The following TBCEL variants were observed in gnomAD, a reference collection of about 807,000 sequenced individuals.
The protein encoded by TBCEL is tubulin folding cofactor E like.
In TBCEL, 15 loss-of-function variants were observed where a neutral mutation model predicts 44.2. That is an observed-to-expected ratio of 0.34 (90% CI 0.23 to 0.52). The LOEUF (loss-of-function observed/expected upper bound fraction) is 0.52. Ranked by LOEUF, TBCEL falls within the 20% of genes least tolerant of loss-of-function variation. The pLI is 0.95. For synonymous variants in TBCEL, 171 were observed against 185.4 expected, an observed-to-expected ratio of 0.92 and a Z score of 0.63; for missense variants, 319 against 506.3, an observed-to-expected ratio of 0.63 and a Z score of 3.55.
intron 2 of TBCEL, 48 bp from the exon 3 acceptor site, chr11:121,045,626 G>A: frequency 1.4e-6 from 2 of 1,445,846 alleles, no homozygotes; most frequent in Admixed American, 4.5e-5. Context: ...CTTCTTATGT[G>A]AGTAAATACA....
chr11:121,063,958 C>T (rs1473762764), intron 8 of TBCEL, among the ~76,000 whole-genome samples: 1 of 152,178 alleles, frequency 6.6e-6, no homozygotes, highest in African/African-American at 2.4e-5. Context: ...TATATTACCC[C>T]TCTTGTATTT....
intron 8 of TBCEL, among the ~76,000 whole-genome samples, chr11:121,069,026 G>T (rs1016280424): frequency 1.1e-4 from 16 of 151,782 alleles, no homozygotes; most frequent in African/African-American, 3.4e-4. Flanking sequence ...TCTCTCCCTC[G>T]CTGACACCTT....
intron 6 of TBCEL, among the ~76,000 whole-genome samples, chr11:121,058,076 A>G (rs987785616): frequency 2.0e-5 from 3 of 151,830 alleles, no homozygotes; most frequent in Admixed American, 6.6e-5. Flanking sequence ...TTTATAAGTC[A>G]CTTTGGTAGA....
At chr11:121,079,672 ATG>A (rs1946089672) in intron 8 of TBCEL, among the ~76,000 whole-genome samples, 1 of 151,994 alleles carries the variant, frequency 6.6e-6, no homozygotes, top group South Asian at 2.1e-4. Context: ...CAGTTGTAGA[ATG>A]TTTCTTTGAT....
At chr11:121,031,662 C>CTTTTTTTTTT (rs1159376351) in intron 1 of TBCEL, among the ~76,000 whole-genome samples, 73 of 101,840 alleles carry the variant, frequency 7.2e-4, no homozygotes, top group South Asian at 1.0e-3. Context: ...TTTTTTCTTT[C>CTTTTTTTTTT]TTTTTTTTTT....
intron 8 of TBCEL, among the ~76,000 whole-genome samples, chr11:121,063,269 T>A (rs138852809): frequency 2.3e-4 from 35 of 152,050 alleles, no homozygotes; most frequent in African/African-American, 8.2e-4. Context: ...TAGGAACAAT[T>A]CAGAAAAAAA....
At chr11:121,079,762 T>G (rs1323230994) in intron 8 of TBCEL, among the ~76,000 whole-genome samples, 1 of 152,196 alleles carries the variant, frequency 6.6e-6, no homozygotes, top group Non-Finnish European at 1.5e-5. Flanking sequence ...AGTCAGAAGA[T>G]GTTTTGAATG....
At chr11:121,061,768 A>G (rs1053459682) in intron 8 of TBCEL, among the ~76,000 whole-genome samples, 1 of 152,086 alleles carries the variant, frequency 6.6e-6, no homozygotes, top group African/African-American at 2.4e-5. Context: ...TTTGCTGTGG[A>G]AGAGTCAGTG....
intron 1 of TBCEL, among the ~76,000 whole-genome samples, chr11:121,031,438 G>A (rs566754333): frequency 5.3e-5 from 8 of 152,124 alleles, no homozygotes; most frequent in African/African-American, 1.4e-4. Flanking sequence ...ATTATTGAAC[G>A]TGAGCATCTT....
chr11:121,036,864 C>T (rs1945240950), intron 2 of TBCEL, among the ~76,000 whole-genome samples: 1 of 152,152 alleles, frequency 6.6e-6, no homozygotes, highest in South Asian at 2.1e-4. Flanking sequence ...ATATAGACAG[C>T]TCTGAGGCTG....
chr11:121,054,945 G>T, intron 5 of TBCEL, 107 bp from the exon 6 acceptor site: 1 of 1,144,920 alleles, frequency 8.7e-7, no homozygotes, highest in Non-Finnish European at 1.1e-6. Flanking sequence ...TCCTAGCAGA[G>T]TCTCACATAT....
chr11:121,041,567 G>GACT (rs1217769478), intron 2 of TBCEL, among the ~76,000 whole-genome samples: 1 of 152,078 alleles, frequency 6.6e-6, no homozygotes, highest in Non-Finnish European at 1.5e-5. Context: ...GCTAACTATA[G>GACT]AGGTAGTCTG....
intron 8 of TBCEL, among the ~76,000 whole-genome samples, chr11:121,068,419 A>G (rs1945862383): frequency 1.3e-5 from 2 of 150,992 alleles, no homozygotes; most frequent in Non-Finnish European, 3.0e-5. Flanking sequence ...TTCAAAACCT[A>G]TGTATAGAAT....
chr11:121,059,933 C>G, intron 7 of TBCEL, 36 bp from the exon 8 acceptor site: 1 of 1,441,150 alleles, frequency 6.9e-7, no homozygotes, highest in Non-Finnish European at 9.6e-7. Context: ...ATATTAGTAT[C>G]TTAAAAAATG....
At chr11:121,082,231 G>A (rs1356062611) in intron 8 of TBCEL, among the ~76,000 whole-genome samples, 2 of 152,184 alleles carry the variant, frequency 1.3e-5, no homozygotes, top group Non-Finnish European at 2.9e-5. Context: ...CTCTGCTTAG[G>A]GTCTCACAAG....
chr11:121,052,133 G>A (rs777203552), intron 4 of TBCEL, among the ~76,000 whole-genome samples: 1 of 151,814 alleles, frequency 6.6e-6, no homozygotes, highest in Non-Finnish European at 1.5e-5. Context: ...AGCTAAGGTT[G>A]AGATAATGGT....
intron 8 of TBCEL, among the ~76,000 whole-genome samples, chr11:121,071,567 C>G (rs1945934597): frequency 6.6e-6 from 1 of 152,138 alleles, no homozygotes. Flanking sequence ...TCTTTGGTAC[C>G]TTATTTTCTG....
At chr11:121,076,504 A>G (rs979430896) in intron 8 of TBCEL, among the ~76,000 whole-genome samples, 4 of 151,970 alleles carry the variant, frequency 2.6e-5, no homozygotes, top group African/African-American at 9.7e-5. Flanking sequence ...TACAATTGGT[A>G]TTTGTAATTG....
At position 121,088,823 on chromosome 11, in the gene TBCEL, A is replaced by G. The variant is rs950485379; in HGVS notation, c.*1727A>G. ...CTTTGACCCAGGCCTACTGAGTCAA[A>G]TCTACATTCAGTGTAACATTAAAGG... On this transcript the variant is annotated 3_prime_UTR_variant, in exon 9 of 9. Transcript: ENST00000683345. 6.6e-6 allele frequency: 1 copy of G among 152,172 alleles called. No homozygotes were observed. Among genetic ancestry groups the G allele is most frequent in the Non-Finnish European group, 1.5e-5 (1 of 68,016 alleles). 9.4% of individuals were successfully genotyped at this position (152,172 alleles called of 1,614,324 possible).
Sources: allele counts gnomAD v4.1 joint callset (sites outside exome capture counted in the v4.1 genomes callset), GRCh38; gene constraint gnomAD v4.1.1; transcripts MANE v1.5; gene names NCBI Gene and HGNC (gene_info 2026-07-23, HGNC 2026-07-21).